Variants in WNT7A observed in about 807,000 individuals in gnomAD.
WNT7A encodes the protein Wnt family member 7A.
A neutral mutation model predicts 28.2 loss-of-function variants in WNT7A; 16 were observed. That is an observed-to-expected ratio of 0.57 (90% CI 0.38 to 0.86). The LOEUF (loss-of-function observed/expected upper bound fraction) is 0.86, where lower values mean the gene tolerates loss of function less well. Among genes scored for constraint, WNT7A ranks in the 40% least tolerant of loss-of-function variants. The probability of loss-of-function intolerance (pLI) is 0.00; values close to 1 mark genes in which losing one functional copy is unlikely to be tolerated. For synonymous variants in WNT7A, 190 were observed against 195.9 expected (o/e 0.97, Z 0.25); for missense variants, 411 against 489.7 (o/e 0.84, Z 1.52).
intron 3 of WNT7A, among the ~76,000 whole-genome samples, chr3:13,838,529 G>A (rs1694405394): frequency 1.3e-5 from 2 of 152,224 alleles, no homozygotes; most frequent in South Asian, 2.1e-4. Flanking sequence ...GAAAATCAGA[G>A]ATTATGAACT....
intron 1 of WNT7A, among the ~76,000 whole-genome samples, chr3:13,878,993 C>T (rs1450979116): frequency 6.6e-6 from 1 of 152,186 alleles, no homozygotes; most frequent in African/African-American, 2.4e-5. Context: ...GCTGCTCGCG[C>T]GCCCGGCCGC....
chr3:13,852,038 C>A lies in WNT7A; in HGVS notation c.570+2494G>T, dbSNP rs146427775. On this transcript the variant is annotated intron_variant, in intron 3 of 3. Transcript: ENST00000285018. ...CAGCTTCCTTGCGGTGTTGCCCCTG[C>A]CCCATGGCCCACATCCTGCTGGGCT... 9.4e-4 allele frequency among the ~76,000 whole-genome samples: 143 copies of A among 152,364 alleles called. 1 individual carries two copies. Among genetic ancestry groups the A allele is most frequent in the Admixed American group, 1.6e-3 (25 of 15,310 alleles).
chr3:13,839,970 G>A (rs774459099), intron 3 of WNT7A, among the ~76,000 whole-genome samples: 1 of 152,142 alleles, frequency 6.6e-6, no homozygotes, highest in Non-Finnish European at 1.5e-5. Flanking sequence ...TGATCAGCCC[G>A]GGTTCAATGT....
rs1471704742 is a variant in WNT7A, at chr3:13,817,040, G to A, written c.*1904C>T. The A allele has an allele frequency of 6.6e-6, 1 of 152,214 alleles. No individual in the cohort carries two copies. Among genetic ancestry groups the A allele is most frequent in the Admixed American group, 6.5e-5 (1 of 15,282 alleles). 9.4% of individuals were successfully genotyped at this position (152,214 alleles called of 1,614,324 possible). A position where few individuals can be genotyped will look rare whatever the true frequency, so the allele number is the denominator to read the frequency against. On this transcript the variant is annotated 3_prime_UTR_variant, in exon 4 of 4. Coordinates refer to ENST00000285018, the MANE Select transcript of WNT7A (RefSeq NM_004625.4). ...ATCCAGGCTCAGTGTGGACACTGAG[G>A]AGTCAGACACAGCCTAGATACTGAA...
intron 2 of WNT7A, among the ~76,000 whole-genome samples, chr3:13,862,507 G>C (rs1202996870): frequency 6.6e-6 from 1 of 152,250 alleles, no homozygotes; most frequent in Non-Finnish European, 1.5e-5. Context: ...TGAAATATAT[G>C]ATTTGGAAAA....
chr3:13,879,699 GC>G, intron 1 of WNT7A, 46 bp downstream of exon 1: 1 of 1,592,326 alleles, frequency 6.3e-7, no homozygotes, highest in Non-Finnish European at 8.6e-7. Context: ...CCCGGGCCGT[GC>G]CAACTTTGTC....
chr3:13,864,080 G>C (rs148886343), intron 2 of WNT7A, among the ~76,000 whole-genome samples: 5 of 152,144 alleles, frequency 3.3e-5, no homozygotes, highest in African/African-American at 1.2e-4. Context: ...CGGCAGGGGG[G>C]TACCAAACAG....
intron 3 of WNT7A, among the ~76,000 whole-genome samples, chr3:13,829,230 T>G (rs113163145): frequency 0.017 from 2,613 of 152,244 alleles, 30 homozygotes; most frequent in Middle Eastern, 0.054. Flanking sequence ...AAAAGACTGT[T>G]GAGCTTCTGA....
At chr3:13,856,911 G>GAAGAAGAAA (rs1553575181) in intron 2 of WNT7A, among the ~76,000 whole-genome samples, 980 of 83,368 alleles carry the variant, frequency 0.012, 21 homozygotes, top group South Asian at 0.014. Context: ...AGAAGAAGAA[G>GAAGAAGAAA]AAGAAGAAGA....
At position 13,860,259 on chromosome 3, in the gene WNT7A, C is replaced by A. The variant is rs192661639; in HGVS notation, c.299-5456G>T. The stretch of plus-strand genomic sequence containing the variant: ...TTTGCTGAGGTCACCCAGCTAGAAA[C>A]TGGCCAGAACTGGAATTCAAGGCCC... On this transcript the variant is annotated intron_variant, in intron 2 of 3. Transcript: ENST00000285018. 9.0e-4 allele frequency among the ~76,000 whole-genome samples: 137 copies of A among 152,260 alleles called. 1 individual carries two copies. Among genetic ancestry groups the A allele is most frequent in the Admixed American group, 2.9e-3 (44 of 15,294 alleles).
At chr3:13,868,806 AAGAAAGAG>A (rs1694972256) in intron 2 of WNT7A, among the ~76,000 whole-genome samples, 1 of 41,842 alleles carries the variant, frequency 2.4e-5, no homozygotes, top group African/African-American at 1.3e-4. Flanking sequence ...GAGAGAGAGA[AAGAAAGAG>A]AGAGAGAGAG....
intron 2 of WNT7A, among the ~76,000 whole-genome samples, chr3:13,856,893 A>AAAGAAG (rs775537679): frequency 0.01 from 762 of 73,170 alleles, 15 homozygotes; most frequent in Non-Finnish European, 0.013. Context: ...AGAAGAAGAA[A>AAAGAAG]AAGAAGAAGA....
At chr3:13,847,851 T>C (rs1694565727) in intron 3 of WNT7A, among the ~76,000 whole-genome samples, 1 of 152,074 alleles carries the variant, frequency 6.6e-6, no homozygotes, top group Non-Finnish European at 1.5e-5. Context: ...GGACAGAGTC[T>C]TCGTTTGGGA....
chr3:13,839,850 G>C (rs769926878), intron 3 of WNT7A, among the ~76,000 whole-genome samples: 3 of 152,194 alleles, frequency 2.0e-5, no homozygotes, highest in Admixed American at 6.5e-5. Context: ...TTGAGAGCGT[G>C]GATCTGTAAT....
At chr3:13,838,203 G>T (rs774995887) in intron 3 of WNT7A, among the ~76,000 whole-genome samples, 3 of 152,204 alleles carry the variant, frequency 2.0e-5, no homozygotes, top group Non-Finnish European at 4.4e-5. Context: ...TGAGCTACAA[G>T]GAGCTGCTGC....
chr3:13,856,904 AG>A (rs1428762535), intron 2 of WNT7A, among the ~76,000 whole-genome samples: 2 of 64,822 alleles, frequency 3.1e-5, no homozygotes, highest in Admixed American at 3.3e-4. Flanking sequence ...AAGAAGAAGA[AG>A]AAGAAGAAGA....
intron 3 of WNT7A, among the ~76,000 whole-genome samples, chr3:13,827,586 C>T (rs4380401): frequency 0.16 from 24,476 of 151,920 alleles, 2,514 homozygotes; most frequent in South Asian, 0.31. Flanking sequence ...TGCTTCTGGG[C>T]CTGTCCCAGA....
At chr3:13,846,004 AC>A (rs1246565549) in intron 3 of WNT7A, among the ~76,000 whole-genome samples, 1 of 152,042 alleles carries the variant, frequency 6.6e-6, no homozygotes, top group Non-Finnish European at 1.5e-5. Context: ...CTCATCCTGA[AC>A]CCCCATGACA....
At chr3:13,836,122 C>A (rs915108436) in intron 3 of WNT7A, among the ~76,000 whole-genome samples, 1 of 151,560 alleles carries the variant, frequency 6.6e-6, no homozygotes. Context: ...CTGTGAATAC[C>A]CTAAAAACCT....
Sources: allele counts gnomAD v4.1 joint callset (sites outside exome capture counted in the v4.1 genomes callset), GRCh38; gene constraint gnomAD v4.1.1; transcripts MANE v1.5; gene names NCBI Gene and HGNC (gene_info 2026-07-23, HGNC 2026-07-21).